Variants in GNAL observed in about 807,000 individuals in gnomAD.
GNAL encodes guanine nucleotide-binding protein G(olf) subunit alpha.
Under a neutral mutation model 55.1 loss-of-function variants are expected in GNAL, and 18 were observed. The ratio of observed to expected loss-of-function variants is 0.33; its 90% CI spans 0.23 to 0.48. The LOEUF is 0.48. Among genes scored for constraint, GNAL ranks in the 20% least tolerant of loss-of-function variants. The pLI, the probability that GNAL is intolerant of heterozygous loss-of-function variation, is 0.99. For synonymous variants in GNAL, 253 were observed against 237.0 expected, an observed-to-expected ratio of 1.07 and a Z score of -0.62; for missense variants, 412 against 614.1, an observed-to-expected ratio of 0.67 and a Z score of 3.48.
At chr18:11,715,472 A>AAAAAAAG (rs2031941438) in intron 1 of GNAL, among the ~76,000 whole-genome samples, 2 of 151,846 alleles carry the variant, frequency 1.3e-5, no homozygotes, top group South Asian at 4.2e-4. Flanking sequence ...AAAAAAAAAA[A>AAAAAAAG]AAAAAAGAAA....
intron 4 of GNAL, among the ~76,000 whole-genome samples, chr18:11,824,022 C>T (rs1374292156): frequency 7.9e-5 from 12 of 151,946 alleles, no homozygotes; most frequent in Non-Finnish European, 1.0e-4. Flanking sequence ...CTGGAATGAA[C>T]GAAAAATCAC....
chr18:11,692,811 A>AAAT (rs200003766), intron 1 of GNAL, among the ~76,000 whole-genome samples: 3,285 of 151,978 alleles, frequency 0.022, 106 homozygotes, highest in African/African-American at 0.074. Flanking sequence ...AAAAATGAAT[A>AAAT]AATAAACAAA....
rs560953948 is a variant in GNAL, at chr18:11,751,753, C to T, written c.377-1100C>T. 8 of 708,408 alleles carry T rather than the reference C, an allele frequency of 1.1e-5. No homozygotes were observed. In the African/African-American group the frequency reaches 1.1e-4, roughly 10 times the overall value. The allele number at this position is 708,408 out of a possible 1,614,324, so 43.9% of individuals were successfully genotyped here. ...GCTCCGTGGGGGGTCAGCTCCCTGA[C>T]CCCTACAGCGCGGTAGCGCCTCTCC... On this transcript the variant is annotated intron_variant, in intron 1 of 11. Transcript: ENST00000334049. This position sits in a 1 kb window ranked among gnomAD's most constrained non-coding sequence, Gnocchi z 4.5.
At chr18:11,843,213 AAG>A (rs1209677724) in intron 5 of GNAL, among the ~76,000 whole-genome samples, 2 of 151,896 alleles carry the variant, frequency 1.3e-5, no homozygotes, top group Admixed American at 1.3e-4. Flanking sequence ...AAAAAGAAAA[AAG>A]GGGCTGGGTG....
intron 1 of GNAL, among the ~76,000 whole-genome samples, chr18:11,739,016 G>A (rs997852750): frequency 2.6e-5 from 4 of 152,108 alleles, no homozygotes; most frequent in East Asian, 1.9e-4. Context: ...CGAAGTACAC[G>A]AGCAGAAACA....
chr18:11,816,944 G>A (rs535564101), intron 4 of GNAL, among the ~76,000 whole-genome samples: 70 of 152,268 alleles, frequency 4.6e-4, no homozygotes, highest in Non-Finnish European at 7.6e-4. Context: ...TTCTAGAAAA[G>A]GCAAAACTAT....
intron 4 of GNAL, among the ~76,000 whole-genome samples, chr18:11,769,091 AAT>A (rs1452683160): frequency 4.2e-5 from 4 of 94,272 alleles, no homozygotes; most frequent in East Asian, 4.3e-4. Context: ...AATTATATGT[AAT>A]ATATATTATA....
intron 1 of GNAL, among the ~76,000 whole-genome samples, chr18:11,707,218 A>G (rs967371415): frequency 5.3e-5 from 8 of 152,370 alleles, no homozygotes; most frequent in East Asian, 1.9e-4. Flanking sequence ...CATTAGAGCA[A>G]TCGCTGTCTA....
At chr18:11,731,977 G>C (rs1346256567) in intron 1 of GNAL, among the ~76,000 whole-genome samples, 1 of 152,006 alleles carries the variant, frequency 6.6e-6, no homozygotes, top group Non-Finnish European at 1.5e-5. Flanking sequence ...CTTTTTCTTA[G>C]CATAATGTTT....
chr18:11,760,553 T>C (rs1318018205), intron 4 of GNAL, among the ~76,000 whole-genome samples: 1 of 152,160 alleles, frequency 6.6e-6, no homozygotes, highest in Admixed American at 6.5e-5. Context: ...AATTAATAAA[T>C]GGAAATTTAT....
chr18:11,875,254 G>A (rs1365417585), intron 10 of GNAL, among the ~76,000 whole-genome samples: 1 of 152,168 alleles, frequency 6.6e-6, no homozygotes, highest in Admixed American at 6.5e-5. Flanking sequence ...GAGGCTCCGA[G>A]CTTTCCTCTC....
In GNAL at chr18:11,706,403, C is replaced by T. The variant is rs376842723; in HGVS notation, c.376+16464C>T. Among the ~76,000 whole-genome samples, 12 of 152,274 alleles carry T rather than the reference C, an allele frequency of 7.9e-5. No individual in the cohort carries two copies. In the East Asian group the frequency reaches 2.3e-3, roughly 29 times the overall value. ...CTGAGCCTTCAGTGAGTCCGGATCTCTTTGCTGGTGGAAGGTCTTGCCTCG... is the reference window on the plus strand; with the variant it reads ...CTGAGCCTTCAGTGAGTCCGGATCTTTTTGCTGGTGGAAGGTCTTGCCTCG... On this transcript the variant is annotated intron_variant, in intron 1 of 11. Coordinates refer to ENST00000334049, the MANE Select transcript of GNAL (RefSeq NM_182978.4).
rs146047259 is a variant in GNAL at position 11,833,981 on chromosome 18, C to T, written c.722+8966C>T. On this transcript the variant is annotated intron_variant, in intron 5 of 11. Coordinates refer to ENST00000334049, the MANE Select transcript of GNAL (RefSeq NM_182978.4). Reference sequence around the variant, plus strand: ...CTCTGTTGCCTCCAAATGTGAGGCTCCCCGGGGTGCGGTTTAAAAACTAGT... The same window carrying T: ...CTCTGTTGCCTCCAAATGTGAGGCTTCCCGGGGTGCGGTTTAAAAACTAGT... 2.0e-3 allele frequency among the ~76,000 whole-genome samples: 303 copies of T among 152,244 alleles called. 3 individuals are homozygous for T. The highest frequency in any genetic ancestry group is 6.6e-3 in the African/African-American group (274 of 41,544).
At chr18:11,728,758 C>G (rs2032270796) in intron 1 of GNAL, among the ~76,000 whole-genome samples, 1 of 152,138 alleles carries the variant, frequency 6.6e-6, no homozygotes, top group African/African-American at 2.4e-5. Context: ...CAGATATTTG[C>G]TACATCTCTG....
intron 4 of GNAL, among the ~76,000 whole-genome samples, chr18:11,762,906 A>G (rs891729986): frequency 1.3e-5 from 2 of 152,226 alleles, no homozygotes; most frequent in African/African-American, 4.8e-5. Context: ...GGCTTATGTC[A>G]TGATATTAAG....
At chr18:11,845,766 GAA>G (rs762771131) in intron 5 of GNAL, among the ~76,000 whole-genome samples, 8 of 146,930 alleles carry the variant, frequency 5.4e-5, no homozygotes, top group African/African-American at 9.9e-5. Flanking sequence ...GGAAGGAAGA[GAA>G]AAGAGAGAGA....
Position 11,752,494 on chromosome 18 carries a change from C to G in GNAL, c.377-359C>G. ...AGACCAGGGCGTCGATGAAAAAGAA[C>G]GACGCGAGGCCAACAAAAAGATCGA... On this transcript the variant is annotated intron_variant, in intron 1 of 11. Transcript: ENST00000334049. This position sits in a 1 kb window ranked among gnomAD's most constrained non-coding sequence, Gnocchi z 4.5. 1 of 1,612,888 alleles carries G rather than the reference C, an allele frequency of 6.2e-7. No homozygotes were observed. Among genetic ancestry groups the G allele is most frequent in the Non-Finnish European group, 8.5e-7 (1 of 1,179,512 alleles).
chr18:11,813,264 A>AAAAAAAAG (rs1202466390), intron 4 of GNAL, among the ~76,000 whole-genome samples: 10 of 151,974 alleles, frequency 6.6e-5, no homozygotes, highest in African/African-American at 1.9e-4. Flanking sequence ...TAAAAAAAAG[A>AAAAAAAAG]AAAAAAGACA....
At chr18:11,721,568 C>G (rs1408594669) in intron 1 of GNAL, among the ~76,000 whole-genome samples, 3 of 152,056 alleles carry the variant, frequency 2.0e-5, no homozygotes, top group Non-Finnish European at 4.4e-5. Context: ...CCAGACTCGC[C>G]AACATGGTGA....
Sources: allele counts gnomAD v4.1 joint callset (sites outside exome capture counted in the v4.1 genomes callset), GRCh38; gene constraint gnomAD v4.1.1; non-coding constraint Gnocchi (gnomAD v3.1); transcripts MANE v1.5; gene names NCBI Gene and HGNC (gene_info 2026-07-23, HGNC 2026-07-21).